Variants in MIPEP observed in about 807,000 individuals in gnomAD.
MIPEP encodes mitochondrial intermediate peptidase.
Under a neutral mutation model 90.3 loss-of-function variants are expected in MIPEP, and 79 were observed. That is an observed-to-expected ratio of 0.87 (90% CI 0.73 to 1.05). The LOEUF is 1.05. Ranked by LOEUF, MIPEP falls within the 50% of genes least tolerant of loss-of-function variation. MIPEP has a pLI of 0.00. For synonymous variants in MIPEP, 334 were observed against 315.8 expected, an observed-to-expected ratio of 1.06 and a Z score of -0.61; for missense variants, 940 against 905.6, an observed-to-expected ratio of 1.04 and a Z score of -0.49.
At chr13:23,845,385 C>G (rs778931784) in intron 10 of MIPEP, among the ~76,000 whole-genome samples, 34 of 152,238 alleles carry the variant, frequency 2.2e-4, no homozygotes, top group Middle Eastern at 3.4e-3. Flanking sequence ...CCACTGACAT[C>G]GTTTGGAATT....
chr13:23,820,860 T>C (rs752062807), intron 14 of MIPEP, among the ~76,000 whole-genome samples: 4 of 152,176 alleles, frequency 2.6e-5, no homozygotes, highest in African/African-American at 4.8e-5. Flanking sequence ...AGGGAACAAA[T>C]GGATAGAGCA....
In MIPEP at chr13:23,780,255, G is replaced by A. The variant is rs1358245769; in HGVS notation, c.1849-20038C>T. Among the ~76,000 whole-genome samples, 7 of 152,212 alleles carry A rather than the reference G, an allele frequency of 4.6e-5. No individual in the cohort carries two copies. The East Asian group carries it at 1.3e-3, about 29-fold the overall frequency. ...CGGCCGGGTACCCCTCTGAGACGAAGCTTCCAGAGGAATGATCAAGCAGGA... is the reference window on the plus strand; with the variant it reads ...CGGCCGGGTACCCCTCTGAGACGAAACTTCCAGAGGAATGATCAAGCAGGA... On this transcript the variant is annotated intron_variant, in intron 16 of 18. Coordinates refer to ENST00000382172, the MANE Select transcript of MIPEP (RefSeq NM_005932.4).
At chr13:23,875,596 T>A (rs543827301) in intron 4 of MIPEP, among the ~76,000 whole-genome samples, 1 of 151,972 alleles carries the variant, frequency 6.6e-6, no homozygotes. Flanking sequence ...AATAATCAAA[T>A]ATTTGATCTA....
intron 18 of MIPEP, among the ~76,000 whole-genome samples, chr13:23,754,452 T>G (rs555996767): frequency 6.6e-6 from 1 of 152,376 alleles, no homozygotes; most frequent in East Asian, 1.9e-4. Context: ...AACTAAAATC[T>G]GAATACTTAA....
At chr13:23,879,829 T>C (rs1871207502) in intron 3 of MIPEP, among the ~76,000 whole-genome samples, 1 of 152,088 alleles carries the variant, frequency 6.6e-6, no homozygotes, top group South Asian at 2.1e-4. Context: ...TAGGCTGCCG[T>C]GAGGATTAAA....
At chr13:23,807,327 G>C (rs760479381) in intron 15 of MIPEP, among the ~76,000 whole-genome samples, 1 of 152,180 alleles carries the variant, frequency 6.6e-6, no homozygotes, top group East Asian at 1.9e-4. Context: ...AGTAGAAAAT[G>C]CTTTATTTTA....
intron 16 of MIPEP, among the ~76,000 whole-genome samples, chr13:23,768,422 G>T (rs1465365471): frequency 1.3e-5 from 2 of 152,110 alleles, no homozygotes; most frequent in Non-Finnish European, 2.9e-5. Context: ...AAATACTATA[G>T]TTTAAAATGT....
At chr13:23,866,902 AACTC>A (rs1160864114) in intron 7 of MIPEP, among the ~76,000 whole-genome samples, 4 of 152,122 alleles carry the variant, frequency 2.6e-5, no homozygotes, top group Non-Finnish European at 1.5e-5. Context: ...TAACAGTAGT[AACTC>A]ACTCTCTTTC....
intron 18 of MIPEP, among the ~76,000 whole-genome samples, chr13:23,754,933 G>A (rs1185700543): frequency 6.6e-6 from 1 of 152,254 alleles, no homozygotes; most frequent in East Asian, 1.9e-4. Flanking sequence ...GGCAGCTGAA[G>A]AGCTTGGTCT....
At chr13:23,796,278 G>A (rs1032463288) in intron 16 of MIPEP, among the ~76,000 whole-genome samples, 1 of 152,088 alleles carries the variant, frequency 6.6e-6, no homozygotes, top group African/African-American at 2.4e-5. Flanking sequence ...AATTATCAGG[G>A]CGGTGGTGCA....
At chr13:23,813,681 C>G (rs573526523) in intron 14 of MIPEP, among the ~76,000 whole-genome samples, 1 of 152,104 alleles carries the variant, frequency 6.6e-6, no homozygotes, top group South Asian at 2.1e-4. Flanking sequence ...ACTGCATCCT[C>G]GAACTCCTGG....
chr13:23,863,055 T>C (rs1593197845), intron 8 of MIPEP, among the ~76,000 whole-genome samples: 1 of 152,170 alleles, frequency 6.6e-6, no homozygotes, highest in East Asian at 1.9e-4. Context: ...TAATCCAAAC[T>C]AGAGAAGAAT....
At chr13:23,873,875 G>A (rs1036619412) in intron 5 of MIPEP, among the ~76,000 whole-genome samples, 4 of 152,152 alleles carry the variant, frequency 2.6e-5, no homozygotes, top group African/African-American at 4.8e-5. Flanking sequence ...GGGAAGGCAC[G>A]TCCTGGCTCA....
chr13:23,739,464 A>C (rs1952302523), intron 18 of MIPEP, among the ~76,000 whole-genome samples: 1 of 152,232 alleles, frequency 6.6e-6, no homozygotes, highest in African/African-American at 2.4e-5. Context: ...CACACCTAAG[A>C]AGCTTCTTTC....
At chr13:23,757,885 C>T (rs563421007) in intron 17 of MIPEP, among the ~76,000 whole-genome samples, 1 of 152,296 alleles carries the variant, frequency 6.6e-6, no homozygotes, top group South Asian at 2.1e-4. Context: ...ATGAAAAATG[C>T]AATTCCTTTA....
intron 8 of MIPEP, among the ~76,000 whole-genome samples, chr13:23,862,712 AC>A (rs1291249735): frequency 1.3e-5 from 2 of 152,076 alleles, no homozygotes; most frequent in Non-Finnish European, 2.9e-5. Context: ...TAACAAATTA[AC>A]TCCTAGAAAG....
rs1953101649 is a variant in MIPEP at position 23,805,936 on chromosome 13, A to C, written c.1848+14T>G. 1.4e-5 allele frequency: 23 copies of C among 1,612,952 alleles called. No individual in the cohort carries two copies. The highest frequency in any genetic ancestry group is 1.9e-5 in the Non-Finnish European group (22 of 1,179,304). On this transcript the variant is annotated intron_variant, in intron 16 of 18. Transcript: ENST00000382172. ...CACTCAATACACAAAACAGAAGCCA[A>C]ATGCTGGACTCACAGTATTTGGAAC...
At chr13:23,783,210 C>T (rs1952799888) in intron 16 of MIPEP, among the ~76,000 whole-genome samples, 1 of 151,336 alleles carries the variant, frequency 6.6e-6, no homozygotes, top group Admixed American at 6.6e-5. Context: ...ATCCTCAATA[C>T]TGGCAAACTG....
intron 16 of MIPEP, among the ~76,000 whole-genome samples, chr13:23,770,446 G>A (rs61946408): frequency 0.29 from 44,117 of 152,124 alleles, 6,833 homozygotes; most frequent in South Asian, 0.48. Context: ...TCAGGATGCT[G>A]TCTCAGTGCC....
Sources: allele counts gnomAD v4.1 joint callset (sites outside exome capture counted in the v4.1 genomes callset), GRCh38; gene constraint gnomAD v4.1.1; transcripts MANE v1.5; gene names NCBI Gene and HGNC (gene_info 2026-07-23, HGNC 2026-07-21).